The following DNAH17 variants were observed in gnomAD, a reference collection of about 807,000 sequenced individuals.
The protein encoded by DNAH17 is dynein axonemal heavy chain 17, also known as axonemal beta dynein heavy chain 17.
A neutral mutation model predicts 485.6 loss-of-function variants in DNAH17; 376 were observed. The ratio of observed to expected loss-of-function variants is 0.77; its 90% confidence interval spans 0.71 to 0.84. The LOEUF (loss-of-function observed/expected upper bound fraction) is 0.84, where lower values mean the gene tolerates loss of function less well. Among genes scored for constraint, DNAH17 ranks in the 40% least tolerant of loss-of-function variants. The pLI is 0.00. For synonymous variants in DNAH17, 3,031 were observed against 2,405.9 expected, an observed-to-expected ratio of 1.26 and a Z score of -7.60; for missense variants, 6,370 against 5,839.3, an observed-to-expected ratio of 1.09 and a Z score of -2.96.
chr17:78,480,013 CTT>C (rs370344478), intron 49 of DNAH17, among the ~76,000 whole-genome samples: 27 of 70,534 alleles, frequency 3.8e-4, no homozygotes, highest in African/African-American at 1.1e-3. Context: ...ACAACAAGTA[CTT>C]TTTTTTTTTT....
intron 38 of DNAH17, among the ~76,000 whole-genome samples, 170 bp from the exon 39 acceptor site, chr17:78,495,267 C>G (rs1302137370): frequency 1.3e-5 from 2 of 152,124 alleles, no homozygotes; most frequent in Non-Finnish European, 2.9e-5. Flanking sequence ...CTCCCTACTT[C>G]CCTCCTCCTC....
At position 78,532,678 on chromosome 17, in the gene DNAH17, A is replaced by G. The variant is rs1034352878; in HGVS notation, c.2918T>C (p.Val973Ala). 4.4e-6 allele frequency: 7 copies of G among 1,592,716 alleles called. No individual in the cohort carries two copies. In the African/African-American group the frequency reaches 8.0e-5, roughly 18 times the overall value. ...CTCGGCCTCCTTCATGGCATTGATG[A>G]CCAGGCTGGACACCTCCTCCCTCAT... ...IEMREEVSSL[V>A]INAMKEAEEY... Residue 973 changes from valine (V) to alanine (A), a missense_variant, in exon 20 of 81, where the codon GTC becomes GCC. Coordinates refer to ENST00000389840, the MANE Select transcript of DNAH17 (RefSeq NM_173628.4).
chr17:78,511,881 C>A (rs1368612786), intron 26 of DNAH17, among the ~76,000 whole-genome samples: 1 of 152,256 alleles, frequency 6.6e-6, no homozygotes, highest in Admixed American at 6.5e-5. Context: ...AACCTGTTAC[C>A]AGGCATCCGG....
chr17:78,567,718 G>A lies in DNAH17; in HGVS notation c.1285-552C>T, dbSNP rs151171280. On this transcript the variant is annotated intron_variant, in intron 9 of 80. Transcript: ENST00000389840. ...GGCTCATGCCCCCTCTCCCTGAAGC[G>A]CTCCCTGACTATTTTGGCCCATAGC... Among the ~76,000 whole-genome samples the A allele has an allele frequency of 3.0e-3, 462 of 152,132 alleles. 2 individuals carry two copies. The highest frequency in any genetic ancestry group is 0.011 in the African/African-American group (439 of 41,480).
At chr17:78,526,297 AG>A in intron 24 of DNAH17, among the ~76,000 whole-genome samples, 1 of 152,172 alleles carries the variant, frequency 6.6e-6, no homozygotes, top group Non-Finnish European at 1.5e-5. Flanking sequence ...GGGGACAGGA[AG>A]CTGCTGAATG....
At chr17:78,477,935 ACCACCATCACCATTATCATCT>A (rs1207057103) in intron 51 of DNAH17, among the ~76,000 whole-genome samples, 1 of 150,746 alleles carries the variant, frequency 6.6e-6, no homozygotes, top group African/African-American at 2.5e-5. Context: ...CACCATCATC[ACCACCATCACCATTATCATCT>A]CCACCATCAC....
Position 78,473,543 on chromosome 17 carries a change from C to CAAAAAA in DNAH17, c.8511+1729_8511+1734dup, listed in dbSNP as rs758795883. ...TGGGCGACAGAGTGAGACTCTGTCT[C>CAAAAAA]AAAAAAAAAAAAAAAAAAAAAAGAA... On this transcript the variant is annotated intron_variant, in intron 54 of 80. Transcript: ENST00000389840. 6.5e-4 allele frequency among the ~76,000 whole-genome samples: 36 copies of CAAAAAA among 55,328 alleles called. 1 individual carries two copies. The highest frequency in any genetic ancestry group is 7.1e-4 in the Non-Finnish European group (20 of 28,176). 36.3% of individuals were successfully genotyped at this position (55,328 alleles called of 152,430 possible).
At position 78,479,557 on chromosome 17, in the gene DNAH17, G is replaced by C; in HGVS notation, c.7828C>G (p.Gln2610Glu). ...GAGACCGAGCGGAAGGCCAGGTGCT[G>C]CGTCAGGATTGTGTTGTAGATGGTG... ...LTTIYNTILT[Q>E]HLAFRSVSMA... The change falls in exon 50 of 81, where the codon CAG becomes GAG. Residue 2610 changes from glutamine (Q) to glutamate (E), a missense_variant. Transcript: ENST00000389840. 1 of 1,613,704 alleles carries C rather than the reference G, an allele frequency of 6.2e-7. No homozygotes were observed. The highest frequency in any genetic ancestry group is 8.5e-7 in the Non-Finnish European group (1 of 1,179,882).
intron 26 of DNAH17, 101 bp from the exon 27 acceptor site, chr17:78,510,607 T>TCGTG: frequency 6.6e-7 from 1 of 1,509,408 alleles, no homozygotes; most frequent in Non-Finnish European, 9.1e-7. Context: ...CGGGGCACGA[T>TCGTG]CCCGGGCTGC....
chr17:78,559,815 T>TC (rs1332914914), intron 13 of DNAH17, among the ~76,000 whole-genome samples: 1 of 151,490 alleles, frequency 6.6e-6, no homozygotes, highest in East Asian at 1.9e-4. Context: ...CTTTGCCCAT[T>TC]CCCCCGCCCC....
At position 78,450,344 on chromosome 17, in the gene DNAH17, G is replaced by A; in HGVS notation, c.10950C>T (p.Asn3650=). The A allele has an allele frequency of 6.2e-7, 1 of 1,613,994 alleles. No individual in the cohort carries two copies. Among genetic ancestry groups the A allele is most frequent in the Non-Finnish European group, 8.5e-7 (1 of 1,179,886 alleles). ...ATGCCCTCTCCGCAGCCGGGCGGTAGTTCTCTCTCGCTTCGTTGATTTTAA... is the reference window on the plus strand; with the variant it reads ...ATGCCCTCTCCGCAGCCGGGCGGTAATTCTCTCTCGCTTCGTTGATTTTAA... The part of the protein sequence containing the change: ...TEVKINEARE[N]YRPAAERASL... The change falls in exon 68 of 81, where the codon AAC becomes AAT. Residue 3650 remains asparagine (N), a synonymous_variant. Coordinates refer to ENST00000389840, the MANE Select transcript of DNAH17 (RefSeq NM_173628.4).
chr17:78,449,400 A>C lies in DNAH17; in HGVS notation c.11211+14T>G, dbSNP rs749400924. The C allele has an allele frequency of 1.3e-6, 2 of 1,541,920 alleles. No homozygotes were observed. Among genetic ancestry groups the C allele is most frequent in the Non-Finnish European group, 8.8e-7 (1 of 1,140,126 alleles). ...TCCACGGACCACACTAGGAACAGTG[A>C]GGCTAGACATTACCTGAAACGTAAC... On this transcript the variant is annotated intron_variant, in intron 69 of 80. Coordinates refer to ENST00000389840, the MANE Select transcript of DNAH17 (RefSeq NM_173628.4).
chr17:78,497,036 A>T (rs1025932064), intron 37 of DNAH17: 1 of 152,224 alleles, frequency 6.6e-6, no homozygotes, highest in African/African-American at 2.4e-5. Context: ...TGCAGGAACC[A>T]GTAAGTATTT....
chr17:78,499,161 G>A, intron 36 of DNAH17, 49 bp from the exon 37 acceptor site: 1 of 1,374,414 alleles, frequency 7.3e-7, no homozygotes, highest in South Asian at 1.4e-5. Context: ...GTGACAGGGA[G>A]GGCGGGCGCT....
At chr17:78,526,458 G>A (rs1029841298) in intron 24 of DNAH17, among the ~76,000 whole-genome samples, 193 bp downstream of exon 24, 1 of 152,142 alleles carries the variant, frequency 6.6e-6, no homozygotes, top group Non-Finnish European at 1.5e-5. Flanking sequence ...TGCTCGGTTT[G>A]CATGTTCACG....
In DNAH17 at chr17:78,492,677, T is replaced by C; in HGVS notation, c.6497A>G (p.Glu2166Gly). The C allele has an allele frequency of 6.2e-7, 1 of 1,613,654 alleles. No individual in the cohort carries two copies. ...DLDPKAVTCD[E>G]LFGIINPVTR... is the part of the protein sequence containing the mutation. The stretch of plus-strand genomic sequence containing the variant: ...CACTGGGTTGATGATGCCAAAGAGC[T>C]CGTCGCAGGTGACGGCCTTGGGGTC... The change falls in exon 42 of 81, where the codon GAG becomes GGG. Residue 2166 changes from glutamate to glycine, a missense_variant. Physicochemically the swap from Glu to Gly is moderately conservative, Grantham distance 98. Coordinates refer to ENST00000389840, the MANE Select transcript of DNAH17 (RefSeq NM_173628.4).
chr17:78,455,415 T>TC (rs965217172), intron 63 of DNAH17, among the ~76,000 whole-genome samples: 4 of 151,970 alleles, frequency 2.6e-5, no homozygotes, highest in African/African-American at 7.2e-5. Context: ...AACCTCCGCC[T>TC]CCAAGGTTCA....
At chr17:78,437,210 C>T (rs1281631245) in intron 74 of DNAH17, among the ~76,000 whole-genome samples, 1 of 152,204 alleles carries the variant, frequency 6.6e-6, no homozygotes. Flanking sequence ...ACCCCATCTA[C>T]CCTGGTTGCC....
chr17:78,569,104 G>C, intron 9 of DNAH17, 62 bp downstream of exon 9: 1 of 1,312,692 alleles, frequency 7.6e-7, no homozygotes, highest in African/African-American at 1.5e-5. Context: ...GACGCTGCAG[G>C]TGTCCTAGGG....
Sources: allele counts gnomAD v4.1 joint callset (sites outside exome capture counted in the v4.1 genomes callset), GRCh38; gene constraint gnomAD v4.1.1; transcripts MANE v1.5; gene names NCBI Gene and HGNC (gene_info 2026-07-23, HGNC 2026-07-21).